Variants in PPFIA2 observed in about 807,000 individuals in gnomAD.
PPFIA2 encodes the protein liprin-alpha-2.
A neutral mutation model predicts 175.5 loss-of-function variants in PPFIA2; 46 were observed. The observed-to-expected ratio is 0.26, with a 90% confidence interval of 0.21 to 0.34. PPFIA2 has a LOEUF of 0.34. PPFIA2 is among the 10% of genes least tolerant of loss of function. The pLI is 1.00. For synonymous variants in PPFIA2, 568 were observed against 511.4 expected (o/e 1.11, Z -1.49); for missense variants, 1,179 against 1,506.1 (o/e 0.78, Z 3.60).
chr12:81,306,537 C>T (rs1179497825), intron 22 of PPFIA2, among the ~76,000 whole-genome samples: 12 of 130,394 alleles, frequency 9.2e-5, no homozygotes, highest in African/African-American at 1.1e-4. Context: ...TTGTTTGTTT[C>T]GTTGTTTTTT....
intron 3 of PPFIA2, among the ~76,000 whole-genome samples, chr12:81,680,700 T>A (rs2073457014): frequency 6.6e-6 from 1 of 151,960 alleles, no homozygotes; most frequent in Non-Finnish European, 1.5e-5. Context: ...ACCAGGTCCA[T>A]CTTCAGGATA....
At chr12:81,462,834 G>A (rs2054892252) in intron 4 of PPFIA2, among the ~76,000 whole-genome samples, 1 of 151,820 alleles carries the variant, frequency 6.6e-6, no homozygotes, top group Non-Finnish European at 1.5e-5. Flanking sequence ...GAGAGAAAAT[G>A]AATGTGGCAG....
intron 4 of PPFIA2, among the ~76,000 whole-genome samples, chr12:81,515,376 C>T (rs1388359455): frequency 1.3e-5 from 2 of 151,834 alleles, no homozygotes; most frequent in Non-Finnish European, 1.5e-5. Context: ...CTGGTAAATG[C>T]AAATAACATA....
At chr12:81,533,584 C>T (rs920013858) in intron 4 of PPFIA2, among the ~76,000 whole-genome samples, 4 of 151,290 alleles carry the variant, frequency 2.6e-5, no homozygotes, top group African/African-American at 9.7e-5. Flanking sequence ...GCAAAAATTG[C>T]TCTGAATAAG....
chr12:81,305,202 A>G (rs1449041190), intron 22 of PPFIA2, among the ~76,000 whole-genome samples: 4 of 152,140 alleles, frequency 2.6e-5, no homozygotes, highest in African/African-American at 7.2e-5. Flanking sequence ...ATTGATCTCA[A>G]TTTATAAGAA....
At chr12:81,496,082 G>A (rs921912136) in intron 4 of PPFIA2, among the ~76,000 whole-genome samples, 2 of 152,074 alleles carry the variant, frequency 1.3e-5, no homozygotes, top group Non-Finnish European at 2.9e-5. Context: ...AGACCCAGGA[G>A]TTTTTATAAC....
intron 21 of PPFIA2, among the ~76,000 whole-genome samples, chr12:81,332,547 C>G (rs2056337148): frequency 6.6e-6 from 1 of 151,980 alleles, no homozygotes; most frequent in Admixed American, 6.6e-5. Context: ...ATGTCTGTAT[C>G]TTGTATTAGA....
intron 3 of PPFIA2, among the ~76,000 whole-genome samples, 188 bp from the exon 4 acceptor site, chr12:81,677,032 C>T (rs2072662307): frequency 6.6e-6 from 1 of 151,860 alleles, no homozygotes; most frequent in East Asian, 1.9e-4. Flanking sequence ...ATATTCTCTC[C>T]AACTCTGGAA....
At chr12:81,478,060 G>C (rs1222059387) in intron 4 of PPFIA2, among the ~76,000 whole-genome samples, 1 of 151,984 alleles carries the variant, frequency 6.6e-6, no homozygotes, top group Non-Finnish European at 1.5e-5. Flanking sequence ...TGGTTGGTAG[G>C]CTATTAATTA....
At chr12:81,577,994 T>C (rs2073845943) in intron 4 of PPFIA2, among the ~76,000 whole-genome samples, 1 of 151,644 alleles carries the variant, frequency 6.6e-6, no homozygotes, top group Admixed American at 6.6e-5. Flanking sequence ...CTGGAATCTT[T>C]CTATTACGAG....
intron 4 of PPFIA2, among the ~76,000 whole-genome samples, chr12:81,591,598 C>T (rs1001757705): frequency 2.6e-5 from 4 of 152,082 alleles, no homozygotes; most frequent in African/African-American, 7.2e-5. Flanking sequence ...GGACTTGGTG[C>T]CCTACGTCCC....
rs74932554 is a variant in PPFIA2 at position 81,672,153 on chromosome 12, A to G, written c.303+4638T>C. Among the ~76,000 whole-genome samples the G allele has an allele frequency of 7.5e-3, 1,135 of 152,128 alleles. 12 individuals are homozygous for G. Among genetic ancestry groups the G allele is most frequent in the African/African-American group, 0.026 (1,070 of 41,554 alleles). Reference sequence around the variant, plus strand: ...TAAACAAATAGGAAAATGAAAGGAAATAATATAACAATATAAGGTTGAAAT... The same window carrying G: ...TAAACAAATAGGAAAATGAAAGGAAGTAATATAACAATATAAGGTTGAAAT... On this transcript the variant is annotated intron_variant, in intron 4 of 32. Coordinates refer to ENST00000549396, the MANE Select transcript of PPFIA2 (RefSeq NM_003625.5).
chr12:81,679,454 T>C (rs927872094), intron 3 of PPFIA2, among the ~76,000 whole-genome samples: 4 of 151,912 alleles, frequency 2.6e-5, no homozygotes, highest in Non-Finnish European at 4.4e-5. Flanking sequence ...TTTGTAAAGT[T>C]TGATCATTAA....
At chr12:81,541,709 A>G (rs1320894763) in intron 4 of PPFIA2, among the ~76,000 whole-genome samples, 1 of 152,144 alleles carries the variant, frequency 6.6e-6, no homozygotes, top group Non-Finnish European at 1.5e-5. Context: ...AATATTTGGC[A>G]TTTTTGTGAT....
chr12:81,421,285 AATT>A (rs2046195524), intron 7 of PPFIA2, among the ~76,000 whole-genome samples: 1 of 152,112 alleles, frequency 6.6e-6, no homozygotes, highest in East Asian at 1.9e-4. Context: ...GTAACATTAT[AATT>A]GTATTGTATA....
intron 22 of PPFIA2, among the ~76,000 whole-genome samples, chr12:81,316,245 T>C (rs1488508337): frequency 6.6e-6 from 1 of 151,532 alleles, no homozygotes; most frequent in East Asian, 1.9e-4. Context: ...ACTTCATGAA[T>C]GGCTCATTTG....
At chr12:81,302,657 A>G (rs1282431867) in intron 22 of PPFIA2, 1 of 453,112 alleles carries the variant, frequency 2.2e-6, no homozygotes, top group Non-Finnish European at 4.4e-6. Flanking sequence ...TTACACCAGG[A>G]CTGTGTGCTA....
At chr12:81,437,477 C>T (rs1032297518) in intron 7 of PPFIA2, among the ~76,000 whole-genome samples, 5 of 152,152 alleles carry the variant, frequency 3.3e-5, no homozygotes, top group Non-Finnish European at 5.9e-5. Flanking sequence ...TCATGATCCA[C>T]CCGCCTCGGC....
chr12:81,702,208 A>C (rs1382643973), intron 3 of PPFIA2, among the ~76,000 whole-genome samples: 2 of 151,400 alleles, frequency 1.3e-5, no homozygotes, highest in Non-Finnish European at 3.0e-5. Flanking sequence ...GCCACAGCAC[A>C]GATTATGCTG....
Sources: allele counts gnomAD v4.1 joint callset (sites outside exome capture counted in the v4.1 genomes callset), GRCh38; gene constraint gnomAD v4.1.1; transcripts MANE v1.5; gene names NCBI Gene and HGNC (gene_info 2026-07-23, HGNC 2026-07-21).